The following NSUN4 variants were observed in gnomAD, a reference collection of about 807,000 sequenced individuals.
The protein encoded by NSUN4 is 5-cytosine rRNA methyltransferase NSUN4.
NSUN4 carries 31 observed loss-of-function variants against 43.8 expected under a neutral mutation model. That is an observed-to-expected ratio of 0.71 (90% CI 0.53 to 0.96). The LOEUF (loss-of-function observed/expected upper bound fraction) is 0.96, where lower values mean the gene tolerates loss of function less well. Ranked by LOEUF, NSUN4 falls within the 40% of genes least tolerant of loss-of-function variation. The pLI is 0.00. For missense variants in NSUN4, 439 were observed against 475.6 expected (o/e 0.92, Z 0.72); for synonymous variants, 167 against 184.1 (o/e 0.91, Z 0.75).
At chr1:46,360,602 G>A (rs1663796579) in intron 4 of NSUN4, 102 bp from the exon 5 acceptor site, 2 of 1,221,106 alleles carry the variant, frequency 1.6e-6, no homozygotes, top group South Asian at 1.5e-5. Flanking sequence ...TGGGCAGAGG[G>A]AATATTTCAC....
chr1:46,358,398 A>AT (rs34719174), intron 4 of NSUN4, among the ~76,000 whole-genome samples: 22,718 of 95,430 alleles, frequency 0.24, 3,582 homozygotes, highest in Middle Eastern at 0.34. Context: ...TCCTGGCCTA[A>AT]TTTTTTTTTT....
chr1:46,358,359 G>A (rs1663541591), intron 4 of NSUN4, among the ~76,000 whole-genome samples: 1 of 148,698 alleles, frequency 6.7e-6, no homozygotes, highest in Admixed American at 6.8e-5. Flanking sequence ...GCCTCCCAAA[G>A]TGCTGGGATT....
intron 4 of NSUN4, among the ~76,000 whole-genome samples, chr1:46,358,545 G>A (rs1255917390): frequency 4.0e-5 from 6 of 151,556 alleles, no homozygotes; most frequent in African/African-American, 1.5e-4. Flanking sequence ...GGGACTACAG[G>A]TGCGTGCCAC....
In NSUN4 at chr1:46,360,828, C is replaced by A. The variant is rs748180937; in HGVS notation, c.878C>A (p.Ala293Glu). 1 of 1,613,458 alleles carries A rather than the reference C, an allele frequency of 6.2e-7. No individual in the cohort carries two copies. Among genetic ancestry groups the A allele is most frequent in the Non-Finnish European group, 8.5e-7 (1 of 1,179,568 alleles). ...CCTGTGCTGCAAGTGCAGCTTCTTG[C>A]GTGAGTGACAGATTTTTAAACTCAG... ...ILPVLQVQLLAAGLLATKPGG... is the reference protein window; with the variant it reads ...ILPVLQVQLLEAGLLATKPGG... Residue 293 changes from alanine (A) to glutamate (E), a missense_variant and splice_region_variant, in exon 5 of 6, where the codon GCG becomes GAG. By Grantham distance (107) the Ala-to-Glu change is moderately radical. Transcript: ENST00000474844.
chr1:46,343,889 G>A (rs1662297996), intron 1 of NSUN4: 1 of 399,630 alleles, frequency 2.5e-6, no homozygotes, highest in African/African-American at 2.1e-5. Flanking sequence ...AGGAGCCAGA[G>A]CAAGAGTCCC....
chr1:46,369,898 G>C (rs1291458492), downstream of NSUN4, among the ~76,000 whole-genome samples: 1 of 152,184 alleles, frequency 6.6e-6, no homozygotes, highest in Non-Finnish European at 1.5e-5. Context: ...GATTTCATGG[G>C]CCCCCCAGTG....
At chr1:46,373,794 A>G in the NSUN4 span, among the ~76,000 whole-genome samples, 5 of 152,126 alleles carry the variant, frequency 3.3e-5, no homozygotes, top group Admixed American at 1.3e-4. Context: ...ATACTGTTAC[A>G]TTGGGGATAA....
chr1:46,358,458 G>A (rs1663558800), intron 4 of NSUN4, among the ~76,000 whole-genome samples: 1 of 141,152 alleles, frequency 7.1e-6, no homozygotes, highest in Non-Finnish European at 1.5e-5. Flanking sequence ...CTGGAGTGCA[G>A]TGGTACGATC....
chr1:46,349,439 G>A (rs570474619), intron 3 of NSUN4, among the ~76,000 whole-genome samples: 24 of 152,186 alleles, frequency 1.6e-4, no homozygotes, highest in Non-Finnish European at 4.4e-5. Context: ...CGCGCCTGGC[G>A]CCTTGTGCAC....
the NSUN4 span, among the ~76,000 whole-genome samples, chr1:46,377,222 GTATTTTTA>G: frequency 2.0e-5 from 3 of 152,064 alleles, no homozygotes; most frequent in Non-Finnish European, 4.4e-5. Context: ...AGTAATTTTT[GTATTTTTA>G]GTAGAGACGG....
intron 3 of NSUN4, among the ~76,000 whole-genome samples, chr1:46,348,327 T>G (rs1267385958): frequency 2.6e-5 from 4 of 152,244 alleles, no homozygotes; most frequent in Non-Finnish European, 5.9e-5. Flanking sequence ...AAATGATGCC[T>G]GTCTCCTACG....
intron 3 of NSUN4, among the ~76,000 whole-genome samples, chr1:46,348,217 G>C (rs954519288): frequency 1.3e-5 from 2 of 152,094 alleles, no homozygotes; most frequent in Non-Finnish European, 2.9e-5. Flanking sequence ...TCCACTGGCT[G>C]ATATCCTGCC....
Position 46,356,561 on chromosome 1 carries a change from G to A in NSUN4, c.753+3533G>A, listed in dbSNP as rs549908900. 3.3e-5 allele frequency among the ~76,000 whole-genome samples: 5 copies of A among 152,002 alleles called. No individual in the cohort carries two copies. In the South Asian group the frequency reaches 1.0e-3, roughly 32 times the overall value. On this transcript the variant is annotated intron_variant, in intron 4 of 5. Transcript: ENST00000474844. ...CAAAAAATTAGCCGGGTGAGATGGC[G>A]GGCGCCTGGAATCCCAGCTACTCGG...
the NSUN4 span, among the ~76,000 whole-genome samples, chr1:46,378,201 ATTTT>A: frequency 3.6e-5 from 5 of 137,632 alleles, no homozygotes; most frequent in Non-Finnish European, 3.1e-5. Context: ...CATAGCAGAG[ATTTT>A]TTTTTTTTTT....
At chr1:46,378,276 C>A in the NSUN4 span, among the ~76,000 whole-genome samples, 1 of 151,120 alleles carries the variant, frequency 6.6e-6, no homozygotes, top group African/African-American at 2.4e-5. Flanking sequence ...TGGCTCACCA[C>A]AACCTCTGCC....
At chr1:46,349,502 A>G (rs768228271) in intron 3 of NSUN4, among the ~76,000 whole-genome samples, 3 of 152,142 alleles carry the variant, frequency 2.0e-5, no homozygotes, top group African/African-American at 4.8e-5. Context: ...CTTAAAATAG[A>G]TAGTTTTTTT....
intron 5 of NSUN4, among the ~76,000 whole-genome samples, 186 bp from the exon 6 acceptor site, chr1:46,361,384 T>A (rs1383991074): frequency 6.6e-6 from 1 of 152,090 alleles, no homozygotes; most frequent in African/African-American, 2.4e-5. Context: ...TGGAGTAAGG[T>A]TGGGTTGCTA....
chr1:46,340,820 C>T lies in NSUN4; in HGVS notation c.-7C>T, dbSNP rs373584949. 24 of 1,608,248 alleles carry T rather than the reference C, an allele frequency of 1.5e-5. No homozygotes were observed. Among genetic ancestry groups the T allele is most frequent in the Non-Finnish European group, 1.8e-5 (21 of 1,177,344 alleles). On this transcript the variant is annotated 5_prime_UTR_variant, in exon 1 of 6. It adds an upstream start codon to the 5' untranslated region. Transcript: ENST00000474844. The stretch of plus-strand genomic sequence containing the variant: ...CCGGTCGGAATTACCCCGTGGAGCA[C>T]GCCGATATGGCTGCGCTGACACTGA...
chr1:46,358,017 C>G (rs1186764110), intron 4 of NSUN4, among the ~76,000 whole-genome samples: 2 of 152,186 alleles, frequency 1.3e-5, no homozygotes, highest in Non-Finnish European at 2.9e-5. Flanking sequence ...CGGGTTCAAG[C>G]AATTCTTGTG....
Sources: gnomAD v4.1 joint callset for allele counts (sites outside exome capture counted in the v4.1 genomes callset) on GRCh38, gnomAD v4.1.1 for gene constraint, MANE v1.5 for transcripts, NCBI Gene and HGNC (gene_info 2026-07-23, HGNC 2026-07-21) for gene names.